The following HDX variants were observed in gnomAD, a reference collection of about 807,000 sequenced individuals.
HDX encodes chromosome X open reading frame 43.
A neutral mutation model predicts 45.2 loss-of-function variants in HDX; 19 were observed. The ratio of observed to expected loss-of-function variants is 0.42; its 90% CI spans 0.29 to 0.62. HDX has a LOEUF of 0.62. Among genes scored for constraint, HDX ranks in the 20% least tolerant of loss-of-function variants. HDX has a pLI of 0.20. For synonymous variants in HDX, 188 were observed against 172.8 expected (o/e 1.09, Z -0.69); for missense variants, 532 against 493.9 (o/e 1.08, Z -0.73).
intron 2 of HDX, among the ~76,000 whole-genome samples, chrX:84,478,389 C>T: frequency 9.0e-6 from 1 of 111,546 alleles, no homozygotes; most frequent in Middle Eastern, 4.6e-3. Flanking sequence ...ATGTCTGCTT[C>T]CTTAGGTGTT....
In HDX at chrX:84,337,374, C is replaced by T. The variant is rs183071331; in HGVS notation, c.1661-494G>A. The stretch of plus-strand genomic sequence containing the variant: ...AAATATGTAAATTTTCATGGAGACA[C>T]ACTAGGACTGTTTCCACAAAGACAT... On this transcript the variant is annotated intron_variant, in intron 7 of 10. Coordinates refer to ENST00000373177, the MANE Select transcript of HDX (RefSeq NM_001177479.2). Among the ~76,000 whole-genome samples, 205 of 111,073 alleles carry T rather than the reference C, an allele frequency of 1.8e-3. 1 individual carries two copies. Among genetic ancestry groups the T allele is most frequent in the Middle Eastern group, 9.4e-3 (2 of 213 alleles).
At chrX:84,327,411 GA>G (rs769654313) in intron 9 of HDX, among the ~76,000 whole-genome samples, 155 of 111,736 alleles carry the variant, frequency 1.4e-3, no homozygotes, top group African/African-American at 4.9e-3. Context: ...CAGTAATCAA[GA>G]AAGGATGGTA....
chrX:84,384,975 T>C (rs1321049442), intron 5 of HDX, among the ~76,000 whole-genome samples: 1 of 110,288 alleles, frequency 9.1e-6, no homozygotes, highest in Non-Finnish European at 1.9e-5. Context: ...TCTCCAGCTT[T>C]GTTCTTTTTC....
intron 4 of HDX, among the ~76,000 whole-genome samples, chrX:84,463,849 C>T (rs773277340): frequency 2.7e-5 from 3 of 110,999 alleles, no homozygotes; most frequent in East Asian, 5.7e-4. Context: ...GCTATAGTAA[C>T]ATCCTGCCAG....
chrX:84,458,425 G>T (rs1048156932), intron 4 of HDX, among the ~76,000 whole-genome samples: 1 of 112,106 alleles, frequency 8.9e-6, no homozygotes, highest in South Asian at 3.7e-4. Context: ...TTGTTTGAAA[G>T]ATTTAGCTAG....
intron 3 of HDX, among the ~76,000 whole-genome samples, chrX:84,469,781 C>T (rs956236813): frequency 8.1e-5 from 9 of 111,669 alleles, no homozygotes; most frequent in Non-Finnish European, 1.7e-4. Context: ...TACCTTCAAA[C>T]TTTGAAAACA....
At chrX:84,365,075 G>A (rs1390401668) in intron 5 of HDX, among the ~76,000 whole-genome samples, 3 of 106,195 alleles carry the variant, frequency 2.8e-5, no homozygotes, top group African/African-American at 1.1e-4. Context: ...TTGGAGGGCA[G>A]ATATCTTCTT....
chrX:84,469,132 A>G lies in HDX; in HGVS notation c.591T>C (p.Tyr197=), dbSNP rs1468300474. Residue 197 remains tyrosine (Y), a synonymous_variant, in exon 4 of 11, where the codon TAT becomes TAC. Coordinates refer to ENST00000373177, the MANE Select transcript of HDX (RefSeq NM_001177479.2). ...CAGAAGCTTGTACTGAAGAGTTTCC[A>G]TAGTTTTTCTTTGCGTGATTGAATA... ...NSVFNHAKKN[Y]GNSSVQASEM... 4 of 1,208,932 alleles carry G rather than the reference A, an allele frequency of 3.3e-6. No individual in the cohort carries two copies. The highest frequency in any genetic ancestry group is 1.8e-5 in the South Asian group (1 of 56,638).
chrX:84,423,642 T>G (rs1247917181), intron 5 of HDX, among the ~76,000 whole-genome samples: 1 of 111,566 alleles, frequency 9.0e-6, no homozygotes, highest in Non-Finnish European at 1.9e-5. Context: ...ACCCCTAAGA[T>G]GCAAGGGTGT....
chrX:84,376,113 A>T (rs1039279369), intron 5 of HDX, among the ~76,000 whole-genome samples: 6 of 112,242 alleles, frequency 5.3e-5, no homozygotes, highest in Non-Finnish European at 1.9e-5. Flanking sequence ...GCTCCCAGAC[A>T]TTTGTATACA....
intron 1 of HDX, among the ~76,000 whole-genome samples, chrX:84,494,478 T>C (rs2040959111): frequency 8.9e-6 from 1 of 112,060 alleles, no homozygotes; most frequent in Non-Finnish European, 1.9e-5. Context: ...GATAGACTAT[T>C]TAATTATCTT....
chrX:84,460,036 G>T (rs1160894230), intron 4 of HDX, among the ~76,000 whole-genome samples: 1 of 111,331 alleles, frequency 9.0e-6, no homozygotes, highest in Admixed American at 9.6e-5. Flanking sequence ...CAAGATTGCA[G>T]CAATAACAAA....
At chrX:84,422,994 T>G (rs924025022) in intron 5 of HDX, among the ~76,000 whole-genome samples, 5 of 110,448 alleles carry the variant, frequency 4.5e-5, no homozygotes, top group African/African-American at 1.6e-4. Flanking sequence ...GACAAACCTT[T>G]AGCCAAGCTA....
At chrX:84,413,303 G>C (rs923558685) in intron 5 of HDX, among the ~76,000 whole-genome samples, 4 of 111,988 alleles carry the variant, frequency 3.6e-5, no homozygotes, top group African/African-American at 1.3e-4. Context: ...TGACGTTACT[G>C]TCCTTTGAAT....
chrX:84,469,225 G>A lies in HDX; in HGVS notation c.498C>T (p.Ser166=), dbSNP rs768938234. ...TAATTGTTTTTTCACCTAGGAGTAG[G>A]GAAGCATTTTTACAGTGTGCTACTT... The part of the protein sequence containing the change: ...QRQVAHCKNA[S]LLLGEKTIIL... The change falls in exon 4 of 11, where the codon TCC becomes TCT. Residue 166 remains serine (S), a synonymous_variant. Transcript: ENST00000373177. The A allele has an allele frequency of 4.3e-5, 52 of 1,209,048 alleles. No individual in the cohort carries two copies. Among genetic ancestry groups the A allele is most frequent in the Non-Finnish European group, 5.7e-5 (51 of 894,456 alleles).
chrX:84,352,195 CAG>C (rs1466883721), intron 6 of HDX, among the ~76,000 whole-genome samples: 1 of 112,086 alleles, frequency 8.9e-6, no homozygotes, highest in Non-Finnish European at 1.9e-5. Flanking sequence ...CAGGGCAAAA[CAG>C]AAGAACTATT....
At chrX:84,360,165 C>A (rs2037586453) in intron 6 of HDX, among the ~76,000 whole-genome samples, 1 of 111,589 alleles carries the variant, frequency 9.0e-6, no homozygotes, top group African/African-American at 3.3e-5. Context: ...ATGCAGCCAA[C>A]AAACATGAGA....
chrX:84,354,662 C>T (rs1386765857), intron 6 of HDX, among the ~76,000 whole-genome samples: 4 of 109,074 alleles, frequency 3.7e-5, no homozygotes, highest in African/African-American at 1.0e-4. Context: ...AAAAAGAACA[C>T]GCTAGAATAT....
At chrX:84,365,036 G>A (rs1248271837) in intron 5 of HDX, among the ~76,000 whole-genome samples, 2 of 110,364 alleles carry the variant, frequency 1.8e-5, no homozygotes, top group African/African-American at 6.6e-5. Context: ...TCCATATTTT[G>A]GCTATTGTGA....
Sources: allele counts gnomAD v4.1 joint callset (sites outside exome capture counted in the v4.1 genomes callset), GRCh38; gene constraint gnomAD v4.1.1; transcripts MANE v1.5; gene names NCBI Gene and HGNC (gene_info 2026-07-23, HGNC 2026-07-21).